CAB39L: variants seen among roughly 807,000 people sequenced by gnomAD.
CAB39L encodes the protein calcium-binding protein 39-like.
Under a neutral mutation model 39.1 loss-of-function variants are expected in CAB39L, and 23 were observed. The ratio of observed to expected loss-of-function variants is 0.59; its 90% confidence interval spans 0.42 to 0.83. CAB39L has a LOEUF of 0.83. Ranked by LOEUF, CAB39L falls within the 40% of genes least tolerant of loss-of-function variation. The pLI, the probability that CAB39L is intolerant of heterozygous loss-of-function variation, is 0.00. For synonymous variants in CAB39L, 126 were observed against 137.2 expected (o/e 0.92, Z 0.57); for missense variants, 366 against 391.9 (o/e 0.93, Z 0.56).
chr13:49,413,957 T>C (rs1201081376), intron 3 of CAB39L: 1 of 121,588 alleles, frequency 8.2e-6, no homozygotes, highest in Non-Finnish European at 1.8e-5. Context: ...TCCTAACTCA[T>C]CCTAAACTGC....
At position 49,310,651 on chromosome 13, in the gene CAB39L, A is replaced by AT; in HGVS notation, c.*162dup. 1 of 573,286 alleles carries AT rather than the reference A, an allele frequency of 1.7e-6. No homozygotes were observed. The highest frequency in any genetic ancestry group is 3.6e-5 in the South Asian group (1 of 27,642). The allele number at this position is 573,286 out of a possible 1,614,324, so 35.5% of individuals were successfully genotyped here. The stretch of plus-strand genomic sequence containing the variant: ...AAAATGAATATATTATTCTAGGTTA[A>AT]TTTTTTTCCATTCAAATGTTTATAC... On this transcript the variant is annotated 3_prime_UTR_variant, in exon 11 of 11. Coordinates refer to ENST00000409308, the MANE Select transcript of CAB39L (RefSeq NM_001079670.3).
In CAB39L at chr13:49,387,762, C is replaced by CA. The variant is rs61399188; in HGVS notation, c.-31-4822dup. Among the ~76,000 whole-genome samples the CA allele has an allele frequency of 3.7e-3, 568 of 151,468 alleles. 6 individuals are homozygous for CA. The highest frequency in any genetic ancestry group is 0.012 in the African/African-American group (502 of 41,336). ...AAAGGAGACAAAAAGCTCTTTTAGA[C>CA]AAAAAAAAGAGCTAGCCAAGGTAAA... On this transcript the variant is annotated intron_variant, in intron 3 of 10. Transcript: ENST00000409308.
intron 3 of CAB39L, among the ~76,000 whole-genome samples, chr13:49,391,306 G>A (rs567122037): frequency 7.9e-5 from 12 of 152,308 alleles, no homozygotes; most frequent in African/African-American, 2.9e-4. Context: ...GACAAAGATG[G>A]TGAAGGAGTA....
chr13:49,434,887 G>A (rs1363989830), intron 1 of CAB39L, among the ~76,000 whole-genome samples: 1 of 151,840 alleles, frequency 6.6e-6, no homozygotes, highest in Non-Finnish European at 1.5e-5. Context: ...CGATATAGAT[G>A]TGTAAACTTG....
rs887808157 is a variant in CAB39L, at chr13:49,386,249, CTTAAA to C, written c.-31-3313_-31-3309del. 3.3e-5 allele frequency among the ~76,000 whole-genome samples: 5 copies of C among 152,180 alleles called. No individual in the cohort carries two copies. In the East Asian group the frequency reaches 5.8e-4, roughly 18 times the overall value. On this transcript the variant is annotated intron_variant, in intron 3 of 10. Transcript: ENST00000409308. ...ACTGTAACAAGCTAATGCTAATTTA[CTTAAA>C]TTAAAAACGTTTTCAGGGTTTCCAT... is the stretch of plus-strand genomic sequence containing the variant.
Position 49,320,928 on chromosome 13 carries a change from G to T in CAB39L, c.835-9935C>A, listed in dbSNP as rs188916707. ...CTGGGCCCACGACAGAATTAGACTG[G>T]ACCCCACTGCACATCAAGGGAGGAA... On this transcript the variant is annotated intron_variant, in intron 10 of 10. Transcript: ENST00000409308. 3.3e-5 allele frequency among the ~76,000 whole-genome samples: 5 copies of T among 152,160 alleles called. No individual in the cohort carries two copies. In the South Asian group the frequency reaches 1.0e-3, roughly 32 times the overall value.
At chr13:49,321,166 C>T (rs773084356) in intron 10 of CAB39L, among the ~76,000 whole-genome samples, 110 of 152,312 alleles carry the variant, frequency 7.2e-4, no homozygotes, top group Non-Finnish European at 1.4e-3. Flanking sequence ...AATTCCTCCA[C>T]CCAGAGATAA....
At chr13:49,376,891 G>GATAGATAGATAGA in intron 5 of CAB39L, 76 bp downstream of exon 5, 5 of 786,900 alleles carry the variant, frequency 6.4e-6, no homozygotes, top group Non-Finnish European at 9.6e-6. Context: ...AAGTTGAATA[G>GATAGATAGATAGA]TAGATAGATA....
chr13:49,336,278 A>C (rs1371256273), intron 9 of CAB39L, among the ~76,000 whole-genome samples: 2 of 152,168 alleles, frequency 1.3e-5, no homozygotes, highest in African/African-American at 2.4e-5. Context: ...ATTAAAAAAA[A>C]CCAGCTCTCC....
At position 49,373,777 on chromosome 13, in the gene CAB39L, C is replaced by CG. The variant is rs1037389174; in HGVS notation, c.276+3189_276+3190insC. Among the ~76,000 whole-genome samples, 42 of 151,902 alleles carry CG rather than the reference C, an allele frequency of 2.8e-4. 1 individual carries two copies. Among genetic ancestry groups the CG allele is most frequent in the African/African-American group, 9.9e-4 (41 of 41,354 alleles). ...TCAAGGTAACACAGAAGTGGCTGTCCCAGTGCAAGCCATGAACCAAGAGAC... is the reference window on the plus strand; with the variant it reads ...TCAAGGTAACACAGAAGTGGCTGTCCGCAGTGCAAGCCATGAACCAAGAGAC... On this transcript the variant is annotated intron_variant, in intron 5 of 10. Transcript: ENST00000409308.
chr13:49,416,847 A>T (rs1277601831), intron 3 of CAB39L, among the ~76,000 whole-genome samples: 1 of 152,214 alleles, frequency 6.6e-6, no homozygotes, highest in Non-Finnish European at 1.5e-5. Context: ...GTGCCTACTG[A>T]GGAGGAAAAA....
intron 1 of CAB39L, among the ~76,000 whole-genome samples, chr13:49,440,548 T>C (rs189876582): frequency 6.6e-6 from 1 of 152,058 alleles, no homozygotes; most frequent in Admixed American, 6.5e-5. Flanking sequence ...TAGCACTGAA[T>C]GTGTAGCTTG....
intron 5 of CAB39L, among the ~76,000 whole-genome samples, chr13:49,362,825 G>GA (rs1019261489): frequency 1.7e-4 from 25 of 150,662 alleles, no homozygotes; most frequent in East Asian, 1.9e-4. Flanking sequence ...CAACATCAAA[G>GA]AAAAAAAAAT....
intron 3 of CAB39L, chr13:49,414,152 A>G (rs764294178): frequency 6.6e-6 from 1 of 152,258 alleles, no homozygotes; most frequent in Admixed American, 6.5e-5. Flanking sequence ...TAAAAGATTA[A>G]CAATTTCTCC....
At chr13:49,380,949 T>C (rs982118910) in intron 4 of CAB39L, among the ~76,000 whole-genome samples, 4 of 152,220 alleles carry the variant, frequency 2.6e-5, no homozygotes, top group Non-Finnish European at 5.9e-5. Flanking sequence ...ATTTTTAAGA[T>C]GGAGTTTTGC....
At chr13:49,320,392 TG>T (rs2138351376) in intron 10 of CAB39L, among the ~76,000 whole-genome samples, 1 of 152,342 alleles carries the variant, frequency 6.6e-6, no homozygotes, top group Non-Finnish European at 1.5e-5. Context: ...CTGAGAGATG[TG>T]ATCTGTGGAG....
At chr13:49,407,649 T>C (rs1439302377) in intron 3 of CAB39L, among the ~76,000 whole-genome samples, 1 of 152,020 alleles carries the variant, frequency 6.6e-6, no homozygotes, top group Non-Finnish European at 1.5e-5. Context: ...TTAAATAATA[T>C]TAATTTTACT....
intron 9 of CAB39L, among the ~76,000 whole-genome samples, chr13:49,338,082 G>A (rs1034214524): frequency 3.3e-5 from 5 of 152,082 alleles, no homozygotes; most frequent in African/African-American, 4.8e-5. Flanking sequence ...TAGCTGCATC[G>A]TCTTTTAATC....
At chr13:49,432,998 T>C (rs1179522679) in intron 3 of CAB39L, among the ~76,000 whole-genome samples, 2 of 152,210 alleles carry the variant, frequency 1.3e-5, no homozygotes, top group African/African-American at 4.8e-5. Flanking sequence ...AGCACCTGCT[T>C]ATCTCACAGG....
Sources: allele counts gnomAD v4.1 joint callset (sites outside exome capture counted in the v4.1 genomes callset), GRCh38; gene constraint gnomAD v4.1.1; transcripts MANE v1.5; gene names NCBI Gene and HGNC (gene_info 2026-07-23, HGNC 2026-07-21).